The following SEC14L1 variants were observed in gnomAD, a reference collection of about 807,000 sequenced individuals.
SEC14L1 encodes SEC14 like lipid binding 1, also known as SEC14-like protein 1.
SEC14L1 carries 48 observed loss-of-function variants against 85.3 expected under a neutral mutation model. The ratio of observed to expected loss-of-function variants is 0.56; its 90% CI spans 0.45 to 0.72. The LOEUF (loss-of-function observed/expected upper bound fraction) is 0.72, where lower values mean the gene tolerates loss of function less well. Ranked by LOEUF, SEC14L1 falls within the 30% of genes least tolerant of loss-of-function variation. The pLI, the probability that SEC14L1 is intolerant of heterozygous loss-of-function variation, is 0.00. For synonymous variants in SEC14L1, 391 were observed against 355.5 expected (o/e 1.10, Z -1.12); for missense variants, 682 against 921.4 (o/e 0.74, Z 3.36).
chr17:77,189,845 G>A (rs1025003958), intron 3 of SEC14L1, among the ~76,000 whole-genome samples: 3 of 152,084 alleles, frequency 2.0e-5, no homozygotes, highest in Non-Finnish European at 4.4e-5. Flanking sequence ...AGCCTGGATG[G>A]TCTCAATCTC....
At chr17:77,129,296 G>A (rs866090603) in intron 3 of SEC14L1, among the ~76,000 whole-genome samples, 2 of 150,334 alleles carry the variant, frequency 1.3e-5, no homozygotes, top group African/African-American at 4.9e-5. Flanking sequence ...TAGTATTTTT[G>A]TTTTTTTTTC....
intron 3 of SEC14L1, among the ~76,000 whole-genome samples, chr17:77,177,095 A>G (rs528969303): frequency 2.6e-5 from 4 of 152,168 alleles, no homozygotes; most frequent in South Asian, 2.1e-4. Flanking sequence ...TTGTTTGGAC[A>G]TAGTAACTTA....
intron 3 of SEC14L1, among the ~76,000 whole-genome samples, chr17:77,169,525 T>G (rs186284866): frequency 6.6e-6 from 1 of 152,234 alleles, no homozygotes; most frequent in Non-Finnish European, 1.5e-5. Flanking sequence ...TTGTTTAATG[T>G]GCGAGCAGAA....
At chr17:77,174,001 A>C (rs917252446) in intron 3 of SEC14L1, among the ~76,000 whole-genome samples, 1 of 151,956 alleles carries the variant, frequency 6.6e-6, no homozygotes, top group Non-Finnish European at 1.5e-5. Flanking sequence ...CCTGGGTTCA[A>C]GCGATTCTTC....
intron 3 of SEC14L1, among the ~76,000 whole-genome samples, chr17:77,163,857 T>C (rs1256385682): frequency 6.6e-6 from 1 of 152,180 alleles, no homozygotes; most frequent in Non-Finnish European, 1.5e-5. Flanking sequence ...AATGAAACTG[T>C]TTTAGGGATT....
chr17:77,195,052 C>T, intron 7 of SEC14L1, 141 bp downstream of exon 7: 2 of 631,148 alleles, frequency 3.2e-6, no homozygotes, highest in South Asian at 1.9e-5. Flanking sequence ...TCGTTTCTGG[C>T]CCTTGTCCTC....
intron 3 of SEC14L1, among the ~76,000 whole-genome samples, chr17:77,114,571 A>T (rs1972125068): frequency 6.7e-6 from 1 of 149,964 alleles, no homozygotes; most frequent in Non-Finnish European, 1.5e-5. Context: ...ACAGTAGCTC[A>T]CTCCTGTAAT....
At position 77,209,366 on chromosome 17, in the gene SEC14L1, G is replaced by A. The variant is rs752053579; in HGVS notation, c.1501G>A (p.Val501Ile). Reference sequence around the variant, plus strand: ...GTGCGAAGTGCCAGAGGGTGGACTGGTCCCCAAATCTCTGTACCGGACTGC... The same window carrying A: ...GTGCGAAGTGCCAGAGGGTGGACTGATCCCCAAATCTCTGTACCGGACTGC... ...CMCEVPEGGLVPKSLYRTAEE... is the reference protein window; with the variant it reads ...CMCEVPEGGLIPKSLYRTAEE... Residue 501 changes from valine (V) to isoleucine (I), a missense_variant, in exon 14 of 17, where the codon GTC (valine) becomes ATC (isoleucine). Physicochemically the swap from Val to Ile is conservative, Grantham distance 29. Transcript: ENST00000436233. 1 of 1,614,000 alleles carries A rather than the reference G, an allele frequency of 6.2e-7. No individual in the cohort carries two copies. The highest frequency in any genetic ancestry group is 8.5e-7 in the Non-Finnish European group (1 of 1,180,014).
At chr17:77,159,370 T>TTTC (rs1381736365) in intron 3 of SEC14L1, among the ~76,000 whole-genome samples, 1 of 141,386 alleles carries the variant, frequency 7.1e-6, no homozygotes. Context: ...CCCGGCCTCT[T>TTTC]TTCTTCTTCT....
chr17:77,199,706 T>C (rs1376539205), intron 8 of SEC14L1, among the ~76,000 whole-genome samples: 1 of 152,224 alleles, frequency 6.6e-6, no homozygotes, highest in Non-Finnish European at 1.5e-5. Flanking sequence ...AAGCATTTGA[T>C]GTTTAGGGAA....
intron 3 of SEC14L1, among the ~76,000 whole-genome samples, chr17:77,145,544 T>C (rs1402433865): frequency 6.6e-6 from 1 of 152,232 alleles, no homozygotes; most frequent in East Asian, 1.9e-4. Flanking sequence ...ATCTTAAATA[T>C]GTGTAGCTAG....
intron 3 of SEC14L1, among the ~76,000 whole-genome samples, chr17:77,123,727 T>C (rs188025995): frequency 4.6e-5 from 7 of 152,120 alleles, no homozygotes; most frequent in Non-Finnish European, 8.8e-5. Flanking sequence ...AGGCCCACTC[T>C]TAAGTCAGTC....
intron 14 of SEC14L1, chr17:77,210,492 G>A (rs1022684771): frequency 3.3e-5 from 5 of 152,760 alleles, no homozygotes; most frequent in East Asian, 3.8e-4. Flanking sequence ...AGCTGACTGC[G>A]GCCTGCTTCC....
At position 77,203,659 on chromosome 17, in the gene SEC14L1, G is replaced by A. The variant is rs1161305659; in HGVS notation, c.1098+1G>A. On this transcript the variant is annotated splice_donor_variant, in intron 10 of 16. Transcript: ENST00000436233. LOFTEE classifies it high-confidence loss of function. ...CGGGGAGGAAGCCCTGCTGAGATAC[G>A]TAAGTGCGCGGCTGCGAGACTCCAG... 7 of 1,610,862 alleles carry A rather than the reference G, an allele frequency of 4.3e-6. No homozygotes were observed. Among genetic ancestry groups the A allele is most frequent in the Non-Finnish European group, 5.9e-6 (7 of 1,178,484 alleles).
chr17:77,175,943 CA>C (rs35356946), intron 3 of SEC14L1, among the ~76,000 whole-genome samples: 1 of 151,772 alleles, frequency 6.6e-6, no homozygotes, highest in Non-Finnish European at 1.5e-5. Context: ...TGTGAGTATG[CA>C]AAAAAGGTTA....
intron 3 of SEC14L1, among the ~76,000 whole-genome samples, chr17:77,120,948 A>G (rs1176850070): frequency 6.6e-6 from 1 of 152,138 alleles, no homozygotes; most frequent in African/African-American, 2.4e-5. Flanking sequence ...TCGTTTTGTT[A>G]TCGTGGGTTG....
intron 3 of SEC14L1, among the ~76,000 whole-genome samples, chr17:77,104,189 G>A (rs1215851707): frequency 4.1e-5 from 6 of 147,002 alleles, no homozygotes; most frequent in East Asian, 2.0e-4. Context: ...GTGCGATCTC[G>A]GCTCACTGCA....
chr17:77,155,821 C>T (rs992960160), intron 3 of SEC14L1, among the ~76,000 whole-genome samples: 25 of 152,118 alleles, frequency 1.6e-4, no homozygotes, highest in Admixed American at 1.3e-4. Flanking sequence ...CTGCAGCCTC[C>T]GCCTCTCTCC....
intron 3 of SEC14L1, among the ~76,000 whole-genome samples, chr17:77,096,213 A>G (rs1255590570): frequency 4.6e-5 from 7 of 151,876 alleles, no homozygotes; most frequent in East Asian, 1.9e-4. Context: ...GGTGCTTTCA[A>G]TATTAGCAAT....
Sources: gnomAD v4.1 joint callset for allele counts (sites outside exome capture counted in the v4.1 genomes callset) on GRCh38, gnomAD v4.1.1 for gene constraint, MANE v1.5 for transcripts, NCBI Gene and HGNC (gene_info 2026-07-23, HGNC 2026-07-21) for gene names.